The following ERMP1 variants were observed in gnomAD, a reference collection of about 807,000 sequenced individuals.
The protein encoded by ERMP1 is endoplasmic reticulum metallopeptidase 1.
In ERMP1, 86 loss-of-function variants were observed where a neutral mutation model predicts 92.0. The ratio of observed to expected loss-of-function variants is 0.93; its 90% CI spans 0.79 to 1.12. The LOEUF (loss-of-function observed/expected upper bound fraction) is 1.12. Ranked by LOEUF, ERMP1 falls within the 50% of genes most tolerant of loss-of-function variation. The pLI is 0.00. For missense variants in ERMP1, 1,342 were observed against 1,116.3 expected (o/e 1.20, Z -2.88); for synonymous variants, 530 against 412.8 (o/e 1.28, Z -3.44).
intron 8 of ERMP1, among the ~76,000 whole-genome samples, chr9:5,809,435 T>C (rs900283080): frequency 2.6e-5 from 4 of 152,226 alleles, no homozygotes; most frequent in African/African-American, 9.7e-5. Context: ...CCCTCTGTTT[T>C]CCTTAGCAAT....
chr9:5,832,183 AT>A (rs1165906098), intron 1 of ERMP1, among the ~76,000 whole-genome samples: 1 of 152,112 alleles, frequency 6.6e-6, no homozygotes, highest in African/African-American at 2.4e-5. Context: ...TGCATACCAA[AT>A]TTTGACTGGG....
chr9:5,832,468 C>G, intron 1 of ERMP1: 1 of 465,874 alleles, frequency 2.1e-6, no homozygotes, highest in Non-Finnish European at 3.8e-6. Flanking sequence ...CAACCCCAAT[C>G]TGCACCACGA....
At chr9:5,819,558 A>G (rs1829450663) in intron 4 of ERMP1, among the ~76,000 whole-genome samples, 1 of 152,166 alleles carries the variant, frequency 6.6e-6, no homozygotes, top group African/African-American at 2.4e-5. Flanking sequence ...ATTATCCCTA[A>G]AAAATTATGT....
intron 4 of ERMP1, among the ~76,000 whole-genome samples, chr9:5,816,068 T>A (rs1335933907): frequency 6.6e-6 from 1 of 152,138 alleles, no homozygotes; most frequent in Non-Finnish European, 1.5e-5. Flanking sequence ...GGGAGGGAGT[T>A]GTATTTGAGA....
rs766917542 is a variant in ERMP1, at chr9:5,797,911, G to A, written c.2292C>T (p.Ala764=). 1 of 1,612,358 alleles carries A rather than the reference G, an allele frequency of 6.2e-7. No homozygotes were observed. Among genetic ancestry groups the A allele is most frequent in the East Asian group, 2.2e-5 (1 of 44,840 alleles). ...FLIRKNWYLP[A]PEVSPRNPPH... is the part of the protein sequence containing the mutation. ...GAGGATTTCTTGGAGAAACTTCTGG[G>A]GCAGGAAGATACCAGTTTTTCCTAT... The change falls in exon 13 of 15, where the codon GCC becomes GCT. Residue 764 remains alanine, a synonymous_variant. Transcript: ENST00000339450.
rs771740637 is a variant in ERMP1 at position 5,810,022 on chromosome 9, A to G, written c.1537T>C (p.Phe513Leu). The G allele has an allele frequency of 6.2e-6, 10 of 1,602,590 alleles. No individual in the cohort carries two copies. The South Asian group carries it at 9.9e-5, about 16-fold the overall frequency. ...IILIHTLAKR[F>L]YYMNASAQYL... is the part of the protein sequence containing the mutation. Reference sequence around the variant, plus strand: ...TACCAAACACTTACCATGTAATAAAATCTTTTCGCAAGAGTATGTATAAGT... The same window carrying G: ...TACCAAACACTTACCATGTAATAAAGTCTTTTCGCAAGAGTATGTATAAGT... Residue 513 changes from phenylalanine (F) to leucine (L), a missense_variant, in exon 8 of 15, where the codon TTT (phenylalanine) becomes CTT (leucine). Phe to Leu is a conservative substitution (Grantham distance 22). Transcript: ENST00000339450.
chr9:5,852,258 T>G (rs10815293), intron 6 of ERMP1, among the ~76,000 whole-genome samples: 1 of 148,986 alleles, frequency 6.7e-6, no homozygotes, highest in African/African-American at 2.4e-5. Flanking sequence ...GAGTGTTTTT[T>G]TTTGTTTTTT....
At chr9:5,795,406 A>C (rs560041315) in intron 13 of ERMP1, among the ~76,000 whole-genome samples, 12 of 152,356 alleles carry the variant, frequency 7.9e-5, no homozygotes, top group African/African-American at 2.9e-4. Context: ...ACAAGTCAAG[A>C]AGTGGAAATA....
At chr9:5,848,247 C>T (rs1220857625) in intron 6 of ERMP1, among the ~76,000 whole-genome samples, 1 of 152,120 alleles carries the variant, frequency 6.6e-6, no homozygotes, top group Non-Finnish European at 1.5e-5. Context: ...GATGTAAACA[C>T]ATGGATCTTT....
At chr9:5,834,976 G>GGT (rs1830071944), upstream of ERMP1, among the ~76,000 whole-genome samples, 2 of 53,162 alleles carry the variant, frequency 3.8e-5, no homozygotes, top group Admixed American at 4.5e-4. Flanking sequence ...TGGATAGATA[G>GGT]ATGTGTGTGT....
In ERMP1 at chr9:5,787,103, G is replaced by T; in HGVS notation, c.*41C>A. 2 of 1,557,780 alleles carry T rather than the reference G, an allele frequency of 1.3e-6. No individual in the cohort carries two copies. Among genetic ancestry groups the T allele is most frequent in the Non-Finnish European group, 1.7e-6 (2 of 1,144,182 alleles). On this transcript the variant is annotated 3_prime_UTR_variant, in exon 15 of 15. Coordinates refer to ENST00000339450, the MANE Select transcript of ERMP1 (RefSeq NM_024896.3). Reference sequence around the variant, plus strand: ...AACATAGGGAGAAACCATGTCACATGGAGTATCCACTGGGCATGTACTTAG... The same window carrying T: ...AACATAGGGAGAAACCATGTCACATTGAGTATCCACTGGGCATGTACTTAG...
intron 3 of ERMP1, 51 bp from the exon 4 acceptor site, chr9:5,824,052 C>T (rs1385727669): frequency 2.0e-6 from 3 of 1,474,760 alleles, no homozygotes. Flanking sequence ...CTTAAATTAT[C>T]AGTCTTGATT....
chr9:5,854,693 T>C (rs1431657839), intron 6 of ERMP1, among the ~76,000 whole-genome samples: 1 of 152,034 alleles, frequency 6.6e-6, no homozygotes, highest in Non-Finnish European at 1.5e-5. Context: ...GCCTGGCTAA[T>C]CTTTCATATT....
chr9:5,805,921 A>G, intron 8 of ERMP1, 136 bp from the exon 9 acceptor site: 1 of 629,664 alleles, frequency 1.6e-6, no homozygotes, highest in Non-Finnish European at 2.6e-6. Flanking sequence ...AAACTGATTT[A>G]AAGTAAACAC....
At chr9:5,865,528 A>G (rs1307329329) in intron 5 of ERMP1, among the ~76,000 whole-genome samples, 2 of 134,450 alleles carry the variant, frequency 1.5e-5, no homozygotes, top group African/African-American at 2.8e-5. Flanking sequence ...AATAATAATA[A>G]TAATAATAAT....
intron 5 of ERMP1, among the ~76,000 whole-genome samples, chr9:5,865,869 G>GTAAA (rs1830644955): frequency 6.7e-6 from 1 of 148,564 alleles, no homozygotes; most frequent in Admixed American, 6.7e-5. Context: ...GATAATATAA[G>GTAAA]TAAATAAATA....
chr9:5,849,837 C>G (rs1035865725), intron 6 of ERMP1, among the ~76,000 whole-genome samples: 3 of 152,156 alleles, frequency 2.0e-5, no homozygotes, highest in African/African-American at 7.2e-5. Flanking sequence ...TAAATCTACC[C>G]AAATCTTGAC....
rs757321794 is a variant in ERMP1, at chr9:5,812,869, C to A, written c.1021+20G>T. ...GATAAATAAATGCTGCACAGTAGGC[C>A]GTAACCATTGACAATATACCTGGAA... On this transcript the variant is annotated intron_variant, in intron 5 of 14. Transcript: ENST00000339450. The A allele has an allele frequency of 3.7e-6, 6 of 1,613,588 alleles. No individual in the cohort carries two copies. In the South Asian group the frequency reaches 6.6e-5, roughly 18 times the overall value.
At chr9:5,810,931 C>T (rs1019890645) in intron 7 of ERMP1, among the ~76,000 whole-genome samples, 180 bp downstream of exon 7, 8 of 152,016 alleles carry the variant, frequency 5.3e-5, no homozygotes, top group Non-Finnish European at 8.8e-5. Context: ...TTGACTGCTT[C>T]ACCAAGACTA....
Sources: gnomAD v4.1 joint callset for allele counts (sites outside exome capture counted in the v4.1 genomes callset) on GRCh38, gnomAD v4.1.1 for gene constraint, MANE v1.5 for transcripts, NCBI Gene and HGNC (gene_info 2026-07-23, HGNC 2026-07-21) for gene names.